SNTB1: variants seen among roughly 807,000 people sequenced by gnomAD.
SNTB1 encodes syntrophin beta 1.
SNTB1 carries 36 observed loss-of-function variants against 48.9 expected under a neutral mutation model. The ratio of observed to expected loss-of-function variants is 0.74; its 90% confidence interval spans 0.56 to 0.97. SNTB1 has a LOEUF of 0.97. Among genes scored for constraint, SNTB1 ranks in the 50% least tolerant of loss-of-function variants. SNTB1 has a pLI of 0.00. For synonymous variants in SNTB1, 299 were observed against 294.6 expected (o/e 1.01, Z -0.15); for missense variants, 786 against 703.4 (o/e 1.12, Z -1.33).
At chr8:120,638,175 G>A (rs1817115237) in intron 2 of SNTB1, 1 of 152,232 alleles carries the variant, frequency 6.6e-6, no homozygotes, top group African/African-American at 2.4e-5. Context: ...GTGTGTGTCT[G>A]GGTTACCAGA....
chr8:120,685,618 G>A (rs1244690314), intron 2 of SNTB1, among the ~76,000 whole-genome samples: 1 of 152,128 alleles, frequency 6.6e-6, no homozygotes, highest in Non-Finnish European at 1.5e-5. Context: ...TTGTCTTGAT[G>A]AATAAATAGC....
At chr8:120,663,779 G>A (rs949786728) in intron 2 of SNTB1, among the ~76,000 whole-genome samples, 2 of 152,168 alleles carry the variant, frequency 1.3e-5, no homozygotes, top group Admixed American at 6.5e-5. Flanking sequence ...AGAAGACAGA[G>A]ACGGGGCAAG....
chr8:120,811,128 C>A, intron 1 of SNTB1, 145 bp downstream of exon 1: 2 of 1,183,428 alleles, frequency 1.7e-6, no homozygotes, highest in Non-Finnish European at 2.3e-6. Flanking sequence ...CCTGCGCCAC[C>A]CTTCCCCCCC....
intron 1 of SNTB1, among the ~76,000 whole-genome samples, chr8:120,733,567 C>A (rs1818888728): frequency 6.6e-6 from 1 of 152,222 alleles, no homozygotes; most frequent in Non-Finnish European, 1.5e-5. Context: ...TTGGTCCCTT[C>A]TAAAAGAAGG....
chr8:120,581,480 T>C (rs1816048776), intron 3 of SNTB1, among the ~76,000 whole-genome samples: 1 of 152,058 alleles, frequency 6.6e-6, no homozygotes, highest in South Asian at 2.1e-4. Flanking sequence ...GGTGCACACC[T>C]GTAGTCCCAG....
chr8:120,704,455 C>CA (rs111743651), intron 1 of SNTB1, among the ~76,000 whole-genome samples: 47,831 of 146,476 alleles, frequency 0.33, 9,803 homozygotes, highest in East Asian at 0.65. Flanking sequence ...GACTTTGTGT[C>CA]AAAAAAAAAA....
At chr8:120,764,480 C>G (rs954326066) in intron 1 of SNTB1, among the ~76,000 whole-genome samples, 2 of 152,186 alleles carry the variant, frequency 1.3e-5, no homozygotes, top group African/African-American at 4.8e-5. Flanking sequence ...CTTCTAAAGA[C>G]AGGGGCTGAA....
chr8:120,612,033 T>C (rs1189857837), intron 3 of SNTB1, among the ~76,000 whole-genome samples: 2 of 152,106 alleles, frequency 1.3e-5, no homozygotes, highest in Admixed American at 1.3e-4. Flanking sequence ...TGAATTTCCA[T>C]TTGATTTCAT....
intron 4 of SNTB1, 147 bp downstream of exon 4, chr8:120,574,939 G>T: frequency 1.1e-6 from 1 of 890,162 alleles, no homozygotes; most frequent in Non-Finnish European, 1.7e-6. Context: ...ATTAATCTAT[G>T]TGGCTAAAAA....
chr8:120,548,037 C>T (rs1310027490), intron 5 of SNTB1, among the ~76,000 whole-genome samples: 1 of 152,142 alleles, frequency 6.6e-6, no homozygotes, highest in Non-Finnish European at 1.5e-5. Context: ...GCGGATCCTT[C>T]ATGAATAGCT....
At chr8:120,797,087 G>A (rs949391322) in intron 1 of SNTB1, among the ~76,000 whole-genome samples, 1 of 151,934 alleles carries the variant, frequency 6.6e-6, no homozygotes, top group African/African-American at 2.4e-5. Context: ...CATTTTCAAG[G>A]AATATACGAT....
intron 1 of SNTB1, among the ~76,000 whole-genome samples, chr8:120,799,800 C>A (rs1218206175): frequency 1.3e-5 from 2 of 151,998 alleles, no homozygotes; most frequent in Non-Finnish European, 2.9e-5. Context: ...CAAAGAAATA[C>A]CTAACAAATC....
intron 3 of SNTB1, among the ~76,000 whole-genome samples, chr8:120,585,633 G>A (rs751300566): frequency 6.6e-6 from 1 of 152,188 alleles, no homozygotes; most frequent in Non-Finnish European, 1.5e-5. Flanking sequence ...TTGCACAATT[G>A]AAGGGCTAGT....
intron 2 of SNTB1, among the ~76,000 whole-genome samples, chr8:120,674,875 A>T (rs1817810631): frequency 6.6e-6 from 1 of 152,212 alleles, no homozygotes. Flanking sequence ...CCTAGTAATT[A>T]TAAGCTAGGA....
intron 2 of SNTB1, among the ~76,000 whole-genome samples, chr8:120,666,159 A>T (rs1401416101): frequency 6.6e-6 from 1 of 152,232 alleles, no homozygotes; most frequent in Admixed American, 6.5e-5. Flanking sequence ...AAGTGTTACC[A>T]TCGTAACATT....
At chr8:120,715,585 A>G (rs1273617522) in intron 1 of SNTB1, among the ~76,000 whole-genome samples, 2 of 152,236 alleles carry the variant, frequency 1.3e-5, no homozygotes, top group Non-Finnish European at 1.5e-5. Context: ...AAGGTATTAT[A>G]AACAAACAAA....
rs200491684 is a variant in SNTB1 at position 120,693,721 on chromosome 8, C to T, written c.759G>A (p.Arg253=). The T allele has an allele frequency of 1.6e-5, 26 of 1,613,978 alleles. No homozygotes were observed. The highest frequency in any genetic ancestry group is 1.7e-4 in the Middle Eastern group (1 of 6,058). The part of the protein sequence containing the change: ...SIPLKMCYVT[R]SMALADPENR... ...TCTCAGGGTCGGCCAAGGCCATACTCCGAGTGACGTAGCACATTTTGAGGG... is the reference window on the plus strand; with the variant it reads ...TCTCAGGGTCGGCCAAGGCCATACTTCGAGTGACGTAGCACATTTTGAGGG... The change falls in exon 2 of 7, where the codon CGG becomes CGA. Residue 253 remains arginine (R), a synonymous_variant. Transcript: ENST00000517992.
intron 2 of SNTB1, among the ~76,000 whole-genome samples, chr8:120,671,115 T>C (rs1045601385): frequency 5.3e-5 from 8 of 152,206 alleles, no homozygotes; most frequent in Admixed American, 1.3e-4. Flanking sequence ...GCCCCTTTTT[T>C]TGGAGGTTCC....
At chr8:120,557,431 G>A (rs1438870406) in intron 4 of SNTB1, among the ~76,000 whole-genome samples, 1 of 152,178 alleles carries the variant, frequency 6.6e-6, no homozygotes, top group East Asian at 1.9e-4. Flanking sequence ...GCCTAAGCTG[G>A]CAGCCAACAG....
Sources: gnomAD v4.1 joint callset for allele counts (sites outside exome capture counted in the v4.1 genomes callset) on GRCh38, gnomAD v4.1.1 for gene constraint, MANE v1.5 for transcripts, NCBI Gene and HGNC (gene_info 2026-07-23, HGNC 2026-07-21) for gene names.